TP53TG5: variants seen among roughly 807,000 people sequenced by gnomAD.
The protein encoded by TP53TG5 is TP53 target 5, also known as TP53-target gene 5 protein.
TP53TG5 carries 17 observed loss-of-function variants against 30.0 expected under a neutral mutation model. That is an observed-to-expected ratio of 0.57 (90% CI 0.39 to 0.85). The LOEUF (loss-of-function observed/expected upper bound fraction) is 0.85. TP53TG5 is among the 40% of genes least tolerant of loss of function. The probability of loss-of-function intolerance (pLI) is 0.00; values close to 1 mark genes in which losing one functional copy is unlikely to be tolerated. For synonymous variants in TP53TG5, 137 were observed against 139.2 expected (o/e 0.98, Z 0.11); for missense variants, 338 against 367.9 (o/e 0.92, Z 0.67).
At chr20:45,376,144 CTA>C (rs1448937846) in intron 3 of TP53TG5, 2 of 152,108 alleles carry the variant, frequency 1.3e-5, no homozygotes, top group Non-Finnish European at 1.5e-5. Flanking sequence ...CCTTCTAGCT[CTA>C]TGTTTCCTGA....
At chr20:45,374,931 C>T in intron 4 of TP53TG5, 108 bp downstream of exon 4, 2 of 1,457,362 alleles carry the variant, frequency 1.4e-6, no homozygotes, top group South Asian at 1.3e-5. Context: ...CTACCAGCCA[C>T]ACACCACTCA....
At position 45,378,256 on chromosome 20, in the gene TP53TG5, A is replaced by G. The variant is rs760052895; in HGVS notation, c.-20T>C. 6.2e-7 allele frequency: 1 copy of G among 1,614,014 alleles called. No individual in the cohort carries two copies. Among genetic ancestry groups the G allele is most frequent in the South Asian group, 1.1e-5 (1 of 91,088 alleles). ...ACTCATGCTGGGGCTGTGAGACCTCAGAGATGAATGGAGCAACACCAGTGC... is the reference window on the plus strand; with the variant it reads ...ACTCATGCTGGGGCTGTGAGACCTCGGAGATGAATGGAGCAACACCAGTGC... On this transcript the variant is annotated 5_prime_UTR_variant, in exon 1 of 5. Coordinates refer to ENST00000372726, the MANE Select transcript of TP53TG5 (RefSeq NM_014477.3).
chr20:45,377,687 C>A, intron 1 of TP53TG5, 74 bp from the exon 2 acceptor site: 2 of 1,493,990 alleles, frequency 1.3e-6, no homozygotes, highest in South Asian at 1.2e-5. Flanking sequence ...TCTGTAATCC[C>A]AGCACTTTGG....
At position 45,375,054 on chromosome 20, in the gene TP53TG5, C is replaced by T; in HGVS notation, c.753G>A (p.Met251Ile). 1 of 1,613,798 alleles carries T rather than the reference C, an allele frequency of 6.2e-7. No individual in the cohort carries two copies. Among genetic ancestry groups the T allele is most frequent in the South Asian group, 1.1e-5 (1 of 91,068 alleles). The change falls in exon 4 of 5, where the codon ATG becomes ATA. Residue 251 changes from methionine to isoleucine, a missense_variant. Transcript: ENST00000372726. The part of the protein sequence containing the change: ...RFCSASLEMP[M>I]WHPYKVDVTW... ...TCACACCCACCTTGTATGGATGCCA[C>T]ATAGGCATTTCAAGTGATGCGGAGC... is the stretch of plus-strand genomic sequence containing the variant.
rs1568921265 is a variant in TP53TG5 at position 45,373,693 on chromosome 20, A to G, written c.*214T>C. 2 of 584,200 alleles carry G rather than the reference A, an allele frequency of 3.4e-6. No individual in the cohort carries two copies. Among genetic ancestry groups the G allele is most frequent in the East Asian group, 5.6e-5 (2 of 35,464 alleles). The allele number at this position is 584,200 out of a possible 1,614,324, so 36.2% of individuals were successfully genotyped here. A position where few individuals can be genotyped will look rare whatever the true frequency, so the allele number is the denominator to read the frequency against. On this transcript the variant is annotated 3_prime_UTR_variant, in exon 5 of 5. Transcript: ENST00000372726. ...GCGCCCTGACTTCACAGAGCGCGCC[A>G]CTCAGGAGACTAGCTCGCGGAGGTG...
In TP53TG5 at chr20:45,374,028, C is replaced by T. The variant is rs757848312; in HGVS notation, c.769-17G>A. On this transcript the variant is annotated splice_polypyrimidine_tract_variant and intron_variant, in intron 4 of 4. Transcript: ENST00000372726. ...CACATCAACCTGCCAGCAGAAACCT[C>T]GGTGTTAGGCGCTAAGACTGTCCCC... The T allele has an allele frequency of 1.4e-5, 22 of 1,612,882 alleles. No individual in the cohort carries two copies. The highest frequency in any genetic ancestry group is 1.7e-5 in the Non-Finnish European group (20 of 1,179,580).
At chr20:45,378,111 C>T in intron 1 of TP53TG5, 78 bp downstream of exon 1, 2 of 1,594,994 alleles carry the variant, frequency 1.3e-6, no homozygotes, top group East Asian at 2.2e-5. Context: ...GCTGGAAAGC[C>T]CCTTTCCTTG....
In TP53TG5 at chr20:45,375,343, A is replaced by G. The variant is rs767337541; in HGVS notation, c.464T>C (p.Ile155Thr). ...CGATGTCCTTGGAACCTCAGGCTCT[A>G]TATGCTTTTCTTTCCGTGGCATTGC... ...LAAMPRKEKH[I>T]EPEVPRTSRD... The change falls in exon 4 of 5, where the codon ATA becomes ACA. Residue 155 changes from isoleucine (I) to threonine (T), a missense_variant. Transcript: ENST00000372726. 4.0e-5 allele frequency: 65 copies of G among 1,613,866 alleles called. No homozygotes were observed. In the Admixed American group the frequency reaches 9.2e-4, roughly 23 times the overall value.
rs930854561 is a variant in TP53TG5, at chr20:45,373,804, G to A, written c.*103C>T. 7 of 1,157,144 alleles carry A rather than the reference G, an allele frequency of 6.0e-6. No homozygotes were observed. The African/African-American group carries it at 1.1e-4, about 18-fold the overall frequency. 71.7% of individuals were successfully genotyped at this position (1,157,144 alleles called of 1,614,324 possible). ...GGGGGTGGGGGAAGCCTGAAGTCGC[G>A]ACACAGGCTCCCTCTACCGAAGGCC... On this transcript the variant is annotated 3_prime_UTR_variant, in exon 5 of 5. Coordinates refer to ENST00000372726, the MANE Select transcript of TP53TG5 (RefSeq NM_014477.3).
intron 3 of TP53TG5, 79 bp from the exon 4 acceptor site, chr20:45,375,631 A>C: frequency 4.0e-6 from 6 of 1,510,654 alleles, no homozygotes; most frequent in Non-Finnish European, 5.3e-6. Flanking sequence ...TAGCCAGCTC[A>C]GGGGAGCCTG....
chr20:45,374,870 G>A, intron 4 of TP53TG5, 169 bp downstream of exon 4: 1 of 847,810 alleles, frequency 1.2e-6, no homozygotes, highest in Non-Finnish European at 1.8e-6. Context: ...TCTGTATGAT[G>A]TTGGTCTAAG....
chr20:45,374,451 T>G, intron 4 of TP53TG5: 1 of 572,948 alleles, frequency 1.7e-6, no homozygotes. Context: ...TTTAAATTTT[T>G]TGTAGAGACA....
In TP53TG5 at chr20:45,375,377, A is replaced by G. The variant is rs750299560; in HGVS notation, c.430T>C (p.Ser144Pro). 5.0e-6 allele frequency: 8 copies of G among 1,613,898 alleles called. No individual in the cohort carries two copies. The highest frequency in any genetic ancestry group is 6.8e-6 in the Non-Finnish European group (8 of 1,179,984). ...TCTTTCCGTGGCATTGCCGCCAATG[A>G]CGTTTTCTCCTTGTTCCTCATCCCT... The part of the protein sequence containing the change: ...QSGMRNKEKT[S>P]LAAMPRKEKH... Residue 144 changes from serine to proline, a missense_variant, in exon 4 of 5, where the codon TCA becomes CCA. Transcript: ENST00000372726.
rs201536194 is a variant in TP53TG5, at chr20:45,374,014, G to A, written c.769-3C>T. On this transcript the variant is annotated splice_region_variant and splice_polypyrimidine_tract_variant and intron_variant, in intron 4 of 4. Transcript: ENST00000372726. Reference sequence around the variant, plus strand: ...GCTCTCGTCCAGGTCACATCAACCTGCCAGCAGAAACCTCGGTGTTAGGCG... The same window carrying A: ...GCTCTCGTCCAGGTCACATCAACCTACCAGCAGAAACCTCGGTGTTAGGCG... The A allele has an allele frequency of 1.2e-6, 2 of 1,613,846 alleles. No individual in the cohort carries two copies. The highest frequency in any genetic ancestry group is 2.2e-5 in the East Asian group (1 of 44,864).
In TP53TG5 at chr20:45,375,045, TG is replaced by T. The variant is rs1455226080; in HGVS notation, c.761del (p.Pro254HisfsTer6). 5.0e-6 allele frequency: 8 copies of T among 1,612,854 alleles called. No homozygotes were observed. Among genetic ancestry groups the T allele is most frequent in the African/African-American group, 1.3e-5 (1 of 75,034 alleles). On this transcript the variant is annotated frameshift_variant, in exon 4 of 5. Transcript: ENST00000372726. LOFTEE classifies it low-confidence loss of function (END_TRUNC). ...GTGTTGTTGTCACACCCACCTTGTA[TG>T]GATGCCACATAGGCATTTCAAGTGA... ...SASLEMPMWH[P>X]YKVDVTWTRA...
intron 4 of TP53TG5, chr20:45,374,378 C>T (rs1988657106): frequency 3.2e-6 from 2 of 633,554 alleles, no homozygotes; most frequent in African/African-American, 1.8e-5. Context: ...CTTAAGCGAT[C>T]CTCCGACCTC....
chr20:45,374,330 T>C (rs1392793103), intron 4 of TP53TG5: 2 of 685,758 alleles, frequency 2.9e-6, no homozygotes, highest in Non-Finnish European at 5.3e-6. Context: ...TGGAGTGCAG[T>C]GGCGAAGTCA....
At chr20:45,374,172 C>A in intron 4 of TP53TG5, 161 bp from the exon 5 acceptor site, 1 of 684,246 alleles carries the variant, frequency 1.5e-6, no homozygotes, top group Non-Finnish European at 2.6e-6. Context: ...CCGGTGGGCA[C>A]TCACCCCCTT....
Position 45,375,017 on chromosome 20 carries a change from G to T in TP53TG5, c.768+22C>A, listed in dbSNP as rs141185955. On this transcript the variant is annotated intron_variant, in intron 4 of 4. Coordinates refer to ENST00000372726, the MANE Select transcript of TP53TG5 (RefSeq NM_014477.3). Reference sequence around the variant, plus strand: ...TGGGGCTTGCATCTCACCTAGCCTGGCAGTGTTGTTGTCACACCCACCTTG... The same window carrying T: ...TGGGGCTTGCATCTCACCTAGCCTGTCAGTGTTGTTGTCACACCCACCTTG... 3.7e-6 allele frequency: 6 copies of T among 1,602,094 alleles called. No homozygotes were observed. The African/African-American group carries it at 8.0e-5, about 21-fold the overall frequency.
Sources: allele counts gnomAD v4.1 joint callset, GRCh38; gene constraint gnomAD v4.1.1; transcripts MANE v1.5; gene names NCBI Gene and HGNC (gene_info 2026-07-23, HGNC 2026-07-21).